The following GPSM3 variants were observed in gnomAD, a reference collection of about 807,000 sequenced individuals.
GPSM3 encodes the protein G protein-signaling modulator 3.
Under a neutral mutation model 20.4 loss-of-function variants are expected in GPSM3, and 16 were observed. The ratio of observed to expected loss-of-function variants is 0.78; its 90% CI spans 0.53 to 1.19. The LOEUF is 1.19. Among genes scored for constraint, GPSM3 ranks in the 50% most tolerant of loss-of-function variants. The pLI is 0.00. For missense variants in GPSM3, 177 were observed against 204.6 expected (o/e 0.86, Z 0.82); for synonymous variants, 70 against 79.6 (o/e 0.88, Z 0.64).
upstream of GPSM3, among the ~76,000 whole-genome samples, chr6:32,193,830 A>G (rs1448542580): frequency 2.0e-5 from 3 of 152,230 alleles, no homozygotes; most frequent in African/African-American, 7.2e-5. This position sits in a 1 kb window ranked among gnomAD's most constrained non-coding sequence, Gnocchi z 4.7. Flanking sequence ...TCTTTGATCA[A>G]TGCTAATCAG....
In GPSM3 at chr6:32,191,236, G is replaced by A. The variant is rs1158197991; in HGVS notation, c.*130C>T. The A allele has an allele frequency of 1.8e-6, 2 of 1,101,420 alleles. No homozygotes were observed. Among genetic ancestry groups the A allele is most frequent in the Admixed American group, 2.8e-5 (1 of 35,692 alleles). 68.2% of individuals were successfully genotyped at this position (1,101,420 alleles called of 1,614,324 possible). ...CCAGTTCCCAGGGAAGGTGATGTGG[G>A]AGATGAATATTGAGATTTGTGCCGT... On this transcript the variant is annotated 3_prime_UTR_variant, in exon 4 of 4. Coordinates refer to ENST00000375040, the MANE Select transcript of GPSM3 (RefSeq NM_001276501.2). This position sits in a 1 kb window ranked among gnomAD's most constrained non-coding sequence, Gnocchi z 5.9.
rs1787602032 is a variant in GPSM3 at position 32,192,461 on chromosome 6, G to A, written c.42+11C>T. 1.3e-6 allele frequency: 2 copies of A among 1,586,642 alleles called. No homozygotes were observed. Among genetic ancestry groups the A allele is most frequent in the African/African-American group, 1.3e-5 (1 of 74,436 alleles). On this transcript the variant is annotated intron_variant, in intron 1 of 3. Transcript: ENST00000375040. This position sits in a 1 kb window ranked among gnomAD's most constrained non-coding sequence, Gnocchi z 5.1. ...CCAGTGTCAGCCTCCCCAACCCCGT[G>A]CCCAGCTCACCTGCTCACCATCCTC... is the stretch of plus-strand genomic sequence containing the variant.
chr6:32,192,615 G>T lies in GPSM3; in HGVS notation c.-102C>A, dbSNP rs1339883277. 5.8e-5 allele frequency: 40 copies of T among 694,700 alleles called. No individual in the cohort carries two copies. The highest frequency in any genetic ancestry group is 9.4e-5 in the Non-Finnish European group (39 of 414,630). 43.0% of individuals were successfully genotyped at this position (694,700 alleles called of 1,614,324 possible). On this transcript the variant is annotated 5_prime_UTR_variant, in exon 1 of 4. Transcript: ENST00000375040. The surrounding 1 kb of genome is among the most constrained non-coding windows in gnomAD (Gnocchi z 5.1). ...GGAGTGGGGGCTGGAAGGGGTGGGG[G>T]TGAGCTGGGGGCTGGATGCCTGGGT...
Position 32,192,120 on chromosome 6 carries a change from G to A in GPSM3, c.145+28C>T, listed in dbSNP as rs780842952. Reference sequence around the variant, plus strand: ...GGGTCAGGATGTGGGCACTAGGGTCGGGGCTCTCCCTGGGTGGGTAGGGGT... The same window carrying A: ...GGGTCAGGATGTGGGCACTAGGGTCAGGGCTCTCCCTGGGTGGGTAGGGGT... On this transcript the variant is annotated intron_variant, in intron 2 of 3. Transcript: ENST00000375040. This position sits in a 1 kb window ranked among gnomAD's most constrained non-coding sequence, Gnocchi z 5.1. 1.1e-5 allele frequency: 17 copies of A among 1,487,730 alleles called. No individual in the cohort carries two copies. The highest frequency in any genetic ancestry group is 3.9e-4 in the Middle Eastern group (2 of 5,072). 92.2% of individuals were successfully genotyped at this position (1,487,730 alleles called of 1,614,324 possible).
chr6:32,192,471 C>T lies in GPSM3; in HGVS notation c.42+1G>A. 2 of 1,590,706 alleles carry T rather than the reference C, an allele frequency of 1.3e-6. No individual in the cohort carries two copies. The highest frequency in any genetic ancestry group is 1.7e-6 in the Non-Finnish European group (2 of 1,167,574). ...CCTCCCCAACCCCGTGCCCAGCTCA[C>T]CTGCTCACCATCCTCTTCTTCCTGG... On this transcript the variant is annotated splice_donor_variant, in intron 1 of 3. Coordinates refer to ENST00000375040, the MANE Select transcript of GPSM3 (RefSeq NM_001276501.2). LOFTEE classifies it high-confidence loss of function. The surrounding 1 kb of genome is among the most constrained non-coding windows in gnomAD (Gnocchi z 5.1).
At position 32,191,716 on chromosome 6, in the gene GPSM3, C is replaced by T; in HGVS notation, c.338G>A (p.Ser113Asn). Residue 113 changes from serine (S) to asparagine (N), a missense_variant, in exon 3 of 4, where the codon AGT (serine) becomes AAT (asparagine). Coordinates refer to ENST00000375040, the MANE Select transcript of GPSM3 (RefSeq NM_001276501.2). The surrounding 1 kb of genome is among the most constrained non-coding windows in gnomAD (Gnocchi z 5.9). ...CCTGGGGGGATGTCTTACCTGGTGA[C>T]TGAGGATAGTGCTGTAAAGCTGTTC... ...DREQLYSTIL[S>N]HQCQRMEAQR... is the part of the protein sequence containing the mutation. 3.1e-6 allele frequency: 5 copies of T among 1,604,460 alleles called. No individual in the cohort carries two copies. Among genetic ancestry groups the T allele is most frequent in the Non-Finnish European group, 4.3e-6 (5 of 1,173,948 alleles).
rs1787605100 is a variant in GPSM3, at chr6:32,192,492, C to T, written c.22G>A (p.Glu8Lys). MEAERPQEEEDGEQGPPQ... is the reference protein window; with the variant it reads MEAERPQKEEDGEQGPPQ... ...CTCACCTGCTCACCATCCTCTTCTTCCTGGGGTCTCTCAGCCTCCATCCCC... is the reference window on the plus strand; with the variant it reads ...CTCACCTGCTCACCATCCTCTTCTTTCTGGGGTCTCTCAGCCTCCATCCCC... Residue 8 changes from glutamate to lysine, a missense_variant, in exon 1 of 4, where the codon GAA (glutamate) becomes AAA (lysine). By Grantham distance (56) the Glu-to-Lys change is moderately conservative. Transcript: ENST00000375040. The surrounding 1 kb of genome is among the most constrained non-coding windows in gnomAD (Gnocchi z 5.1). 6.3e-7 allele frequency: 1 copy of T among 1,591,888 alleles called. No individual in the cohort carries two copies. The highest frequency in any genetic ancestry group is 8.6e-7 in the Non-Finnish European group (1 of 1,168,434).
Position 32,192,312 on chromosome 6 carries a change from G to T in GPSM3, c.43-62C>A. ...GTGGTTGAAGCGGGAGGAGTGGACA[G>T]GGGGCTAGGCCAGTGGCCCGTTTCC... On this transcript the variant is annotated intron_variant, in intron 1 of 3. Transcript: ENST00000375040. This position sits in a 1 kb window ranked among gnomAD's most constrained non-coding sequence, Gnocchi z 5.1. 7.1e-7 allele frequency: 1 copy of T among 1,410,140 alleles called. No individual in the cohort carries two copies. Among genetic ancestry groups the T allele is most frequent in the Non-Finnish European group, 9.7e-7 (1 of 1,030,602 alleles). The allele number at this position is 1,410,140 out of a possible 1,614,324, so 87.4% of individuals were successfully genotyped here.
At chr6:32,195,417 C>T (rs1016097660), upstream of GPSM3, 1 of 1,540,958 alleles carries the variant, frequency 6.5e-7, no homozygotes, top group Non-Finnish European at 8.7e-7. The surrounding 1 kb of genome is among the most constrained non-coding windows in gnomAD (Gnocchi z 5.4). Flanking sequence ...TTTTGGAATT[C>T]CTCCCTACCA....
At position 32,192,263 on chromosome 6, in the gene GPSM3, T is replaced by C; in HGVS notation, c.43-13A>G. On this transcript the variant is annotated splice_polypyrimidine_tract_variant and intron_variant, in intron 1 of 3. Transcript: ENST00000375040. This position sits in a 1 kb window ranked among gnomAD's most constrained non-coding sequence, Gnocchi z 5.1. Reference sequence around the variant, plus strand: ...CCTGAGGGGGGCCCTGATGCCAAAATATGTCCATTCTAGTCAAGCAGTGGT... The same window carrying C: ...CCTGAGGGGGGCCCTGATGCCAAAACATGTCCATTCTAGTCAAGCAGTGGT... 1 of 1,514,166 alleles carries C rather than the reference T, an allele frequency of 6.6e-7. No individual in the cohort carries two copies. The highest frequency in any genetic ancestry group is 8.9e-7 in the Non-Finnish European group (1 of 1,127,492). The allele number at this position is 1,514,166 out of a possible 1,614,324, so 93.8% of individuals were successfully genotyped here.
upstream of GPSM3, chr6:32,192,821 C>A: frequency 2.8e-6 from 1 of 354,116 alleles, no homozygotes. This position sits in a 1 kb window ranked among gnomAD's most constrained non-coding sequence, Gnocchi z 5.1. Context: ...TGGGGAAGGA[C>A]TCCTGGCGGT....
At chr6:32,193,899 AC>A (rs1401512965), upstream of GPSM3, among the ~76,000 whole-genome samples, 1 of 152,204 alleles carries the variant, frequency 6.6e-6, no homozygotes, top group African/African-American at 2.4e-5. The surrounding 1 kb of genome is among the most constrained non-coding windows in gnomAD (Gnocchi z 4.7). Flanking sequence ...CTAAATGGCA[AC>A]CTGTCATGTT....
Position 32,191,658 on chromosome 6 carries a change from G to C in GPSM3, c.345+51C>G. On this transcript the variant is annotated intron_variant, in intron 3 of 3. Transcript: ENST00000375040. This position sits in a 1 kb window ranked among gnomAD's most constrained non-coding sequence, Gnocchi z 5.9. ...CAGGAGTAGAGCCCCAAAGAGAACAGGGGCCAAGAGACCAGGAGGCCTGGG... is the reference window on the plus strand; with the variant it reads ...CAGGAGTAGAGCCCCAAAGAGAACACGGGCCAAGAGACCAGGAGGCCTGGG... 6.6e-7 allele frequency: 1 copy of C among 1,518,840 alleles called. No individual in the cohort carries two copies. Among genetic ancestry groups the C allele is most frequent in the Non-Finnish European group, 8.9e-7 (1 of 1,119,446 alleles). 94.1% of individuals were successfully genotyped at this position (1,518,840 alleles called of 1,614,324 possible).
At chr6:32,192,813 G>A (rs1787635410), upstream of GPSM3, 1 of 365,450 alleles carries the variant, frequency 2.7e-6, no homozygotes, top group Non-Finnish European at 4.9e-6. This position sits in a 1 kb window ranked among gnomAD's most constrained non-coding sequence, Gnocchi z 5.1. Context: ...GCTCATGGTG[G>A]GGAAGGACTC....
chr6:32,192,513 TC>T lies in GPSM3; in HGVS notation c.-1del, dbSNP rs1489143643. ...TCTTCCTGGGGTCTCTCAGCCTCCA[TC>T]CCCTAGAGGGGAGAAACTGGTGGGG... On this transcript the variant is annotated 5_prime_UTR_variant, in exon 1 of 4. Coordinates refer to ENST00000375040, the MANE Select transcript of GPSM3 (RefSeq NM_001276501.2). The surrounding 1 kb of genome is among the most constrained non-coding windows in gnomAD (Gnocchi z 5.1). 1 of 1,568,278 alleles carries T rather than the reference TC, an allele frequency of 6.4e-7. No individual in the cohort carries two copies. The highest frequency in any genetic ancestry group is 8.7e-7 in the Non-Finnish European group (1 of 1,155,168).
Position 32,191,380 on chromosome 6 carries a change from T to G in GPSM3, c.469A>C (p.Thr157Pro), listed in dbSNP as rs139749211. The G allele has an allele frequency of 1.6e-4, 251 of 1,584,296 alleles. 1 individual carries two copies. In the African/African-American group the frequency reaches 2.8e-3, roughly 18 times the overall value. The change falls in exon 4 of 4, where the codon ACA becomes CCA. Residue 157 changes from threonine to proline, a missense_variant. Transcript: ENST00000375040. The surrounding 1 kb of genome is among the most constrained non-coding windows in gnomAD (Gnocchi z 5.9). ...RMEEQRSRPP[T>P]HTC Reference sequence around the variant, plus strand: ...GGGCTCAAGTCTCAGCAGGTGTGTGTGGGGGGCCGGGACCTTTGCTCCTCC... The same window carrying G: ...GGGCTCAAGTCTCAGCAGGTGTGTGGGGGGGGCCGGGACCTTTGCTCCTCC...
chr6:32,195,369 A>G, upstream of GPSM3: 4 of 1,456,480 alleles, frequency 2.7e-6, no homozygotes, highest in Non-Finnish European at 3.7e-6. The surrounding 1 kb of genome is among the most constrained non-coding windows in gnomAD (Gnocchi z 5.4). Context: ...TCTTAAAACC[A>G]GGAAGGCCTT....
In GPSM3 at chr6:32,191,579, G is replaced by C. The variant is rs771545085; in HGVS notation, c.346-76C>G. On this transcript the variant is annotated intron_variant, in intron 3 of 3. Coordinates refer to ENST00000375040, the MANE Select transcript of GPSM3 (RefSeq NM_001276501.2). The surrounding 1 kb of genome is among the most constrained non-coding windows in gnomAD (Gnocchi z 5.9). Reference sequence around the variant, plus strand: ...AGGTTCTTGAGAGGATCAAGGGTTGGTATGGGGAGGCATATAGGAAACCTG... The same window carrying C: ...AGGTTCTTGAGAGGATCAAGGGTTGCTATGGGGAGGCATATAGGAAACCTG... 2.2e-4 allele frequency: 330 copies of C among 1,506,600 alleles called. No homozygotes were observed. Among genetic ancestry groups the C allele is most frequent in the Non-Finnish European group, 2.9e-4 (323 of 1,122,708 alleles). The allele number at this position is 1,506,600 out of a possible 1,614,324, so 93.3% of individuals were successfully genotyped here. A position where few individuals can be genotyped will look rare whatever the true frequency, so the allele number is the denominator to read the frequency against.
chr6:32,194,141 G>A (rs535506504), upstream of GPSM3, among the ~76,000 whole-genome samples: 49 of 152,218 alleles, frequency 3.2e-4, no homozygotes, highest in Non-Finnish European at 5.6e-4. This position sits in a 1 kb window ranked among gnomAD's most constrained non-coding sequence, Gnocchi z 4.5. Flanking sequence ...AATGCCTCAT[G>A]ACTCCATGTT....
Sources: allele counts gnomAD v4.1 joint callset (sites outside exome capture counted in the v4.1 genomes callset), GRCh38; gene constraint gnomAD v4.1.1; non-coding constraint Gnocchi (gnomAD v3.1); transcripts MANE v1.5; gene names NCBI Gene and HGNC (gene_info 2026-07-23, HGNC 2026-07-21).